Variants in NLGN1 observed in about 807,000 individuals in gnomAD.
NLGN1 encodes neuroligin 1, also known as neuroligin-1.
NLGN1 carries 12 observed loss-of-function variants against 65.5 expected under a neutral mutation model. That is an observed-to-expected ratio of 0.18 (90% CI 0.12 to 0.30). The LOEUF is 0.30. NLGN1 is among the 10% of genes least tolerant of loss of function. The pLI, the probability that NLGN1 is intolerant of heterozygous loss-of-function variation, is 1.00. For synonymous variants in NLGN1, 350 were observed against 359.5 expected (o/e 0.97, Z 0.30); for missense variants, 750 against 1,007.1 (o/e 0.74, Z 3.46).
chr3:174,073,932 T>A (rs1740404528), intron 4 of NLGN1, among the ~76,000 whole-genome samples: 1 of 152,208 alleles, frequency 6.6e-6, no homozygotes, highest in Non-Finnish European at 1.5e-5. Flanking sequence ...ATATCTTGAC[T>A]TAAATGTAAA....
chr3:173,669,098 G>T lies in NLGN1; in HGVS notation c.493+64007G>T, dbSNP rs141018482. 8.6e-4 allele frequency among the ~76,000 whole-genome samples: 131 copies of T among 152,202 alleles called. 1 individual carries two copies. Among genetic ancestry groups the T allele is most frequent in the Middle Eastern group, 3.4e-3 (1 of 294 alleles). On this transcript the variant is annotated intron_variant, in intron 3 of 6. Transcript: ENST00000457714. The stretch of plus-strand genomic sequence containing the variant: ...GTTTATTTTTTTCCTGTAGACACTG[G>T]GAAGTCATTGCCGGGTTTTAATCCT...
intron 2 of NLGN1, among the ~76,000 whole-genome samples, chr3:173,466,530 GTGTTT>G (rs1183330804): frequency 6.6e-6 from 1 of 152,116 alleles, no homozygotes; most frequent in Non-Finnish European, 1.5e-5. Flanking sequence ...TGGTACTGGT[GTGTTT>G]TGTTTTGTAT....
At chr3:173,672,231 G>A (rs929482905) in intron 3 of NLGN1, among the ~76,000 whole-genome samples, 3 of 152,140 alleles carry the variant, frequency 2.0e-5, no homozygotes, top group Non-Finnish European at 2.9e-5. Context: ...ACCTGTAGTC[G>A]TGAAGCTATA....
At chr3:173,647,569 A>G (rs906619230) in intron 3 of NLGN1, among the ~76,000 whole-genome samples, 3 of 152,136 alleles carry the variant, frequency 2.0e-5, no homozygotes, top group Admixed American at 1.3e-4. Flanking sequence ...ATATTTGAAA[A>G]CCAAATAACA....
intron 3 of NLGN1, among the ~76,000 whole-genome samples, chr3:173,661,464 C>A (rs10446343): frequency 0.11 from 16,937 of 151,910 alleles, 984 homozygotes; most frequent in Middle Eastern, 0.27. Context: ...GGTGAAGAAG[C>A]CTCCCAAATT....
chr3:173,797,398 C>A (rs1278920327), intron 3 of NLGN1, among the ~76,000 whole-genome samples: 1 of 151,900 alleles, frequency 6.6e-6, no homozygotes, highest in African/African-American at 2.4e-5. Flanking sequence ...TGCTGTAATT[C>A]GTACTATGGG....
At chr3:173,913,332 T>A (rs1740013577) in intron 4 of NLGN1, among the ~76,000 whole-genome samples, 1 of 152,116 alleles carries the variant, frequency 6.6e-6, no homozygotes, top group Non-Finnish European at 1.5e-5. Context: ...AAATTTGAGA[T>A]TTAGATGTTT....
Position 173,926,942 on chromosome 3 carries a change from A to G in NLGN1, c.646+119110A>G, listed in dbSNP as rs542119486. Among the ~76,000 whole-genome samples, 96 of 152,218 alleles carry G rather than the reference A, an allele frequency of 6.3e-4. 1 individual carries two copies. Among genetic ancestry groups the G allele is most frequent in the African/African-American group, 2.2e-3 (90 of 41,526 alleles). On this transcript the variant is annotated intron_variant, in intron 4 of 6. Coordinates refer to ENST00000457714, the Ensembl canonical transcript of NLGN1. ...TAGAGTGTAACTGGAAAGCCAATTG[A>G]GTCTTTCTTACCACTTTCTCTTTTA...
intron 4 of NLGN1, among the ~76,000 whole-genome samples, chr3:174,210,570 C>T (rs1161410913): frequency 6.6e-6 from 1 of 152,156 alleles, no homozygotes; most frequent in Non-Finnish European, 1.5e-5. Context: ...CTGCAAAAAG[C>T]TTGAGGCCCA....
At chr3:174,251,598 T>C (rs939755206) in intron 4 of NLGN1, among the ~76,000 whole-genome samples, 2 of 152,230 alleles carry the variant, frequency 1.3e-5, no homozygotes, top group Non-Finnish European at 2.9e-5. Context: ...ATGATATTTC[T>C]TTTGGCATGG....
intron 4 of NLGN1, among the ~76,000 whole-genome samples, chr3:174,075,116 A>C (rs1740643697): frequency 6.6e-6 from 1 of 152,180 alleles, no homozygotes; most frequent in Non-Finnish European, 1.5e-5. Flanking sequence ...GCAGGAGATT[A>C]CAAAATCTAC....
intron 2 of NLGN1, among the ~76,000 whole-genome samples, chr3:173,595,148 A>G (rs1222137488): frequency 1.3e-5 from 2 of 152,282 alleles, no homozygotes; most frequent in Non-Finnish European, 2.9e-5. Flanking sequence ...TCCTCAGAAA[A>G]TGGGTTTTTC....
intron 4 of NLGN1, among the ~76,000 whole-genome samples, chr3:174,147,455 CAG>C (rs1286453511): frequency 1.1e-4 from 4 of 36,602 alleles, no homozygotes; most frequent in African/African-American, 2.7e-4. Context: ...TTTTTTGAGA[CAG>C]AGTTTTGCTC....
chr3:173,568,799 G>T (rs1744150439), intron 2 of NLGN1, among the ~76,000 whole-genome samples: 1 of 152,110 alleles, frequency 6.6e-6, no homozygotes, highest in Admixed American at 6.5e-5. Context: ...TCAGCCTCTG[G>T]AGTAGCTCGG....
At chr3:173,914,360 C>T (rs1740285835) in intron 4 of NLGN1, among the ~76,000 whole-genome samples, 1 of 152,064 alleles carries the variant, frequency 6.6e-6, no homozygotes, top group Non-Finnish European at 1.5e-5. Context: ...ACAGGCTCTG[C>T]CTGGTTTGTG....
At chr3:174,188,481 T>G (rs757882482) in intron 4 of NLGN1, among the ~76,000 whole-genome samples, 4 of 151,952 alleles carry the variant, frequency 2.6e-5, no homozygotes, top group African/African-American at 9.7e-5. Flanking sequence ...ATAATCCTAC[T>G]TAACAGGAAC....
chr3:174,029,242 G>C (rs1729443125), intron 4 of NLGN1, among the ~76,000 whole-genome samples: 1 of 152,174 alleles, frequency 6.6e-6, no homozygotes, highest in African/African-American at 2.4e-5. Context: ...AGAGGTGGCT[G>C]TACCCTGCAA....
At chr3:173,687,770 C>T (rs1764890740) in intron 3 of NLGN1, among the ~76,000 whole-genome samples, 1 of 152,162 alleles carries the variant, frequency 6.6e-6, no homozygotes, top group African/African-American at 2.4e-5. Flanking sequence ...CTTCACTCTA[C>T]AGGAATGTTT....
chr3:173,940,671 C>T (rs1745929689), intron 4 of NLGN1, among the ~76,000 whole-genome samples: 1 of 152,112 alleles, frequency 6.6e-6, no homozygotes. Flanking sequence ...GACAGAATAT[C>T]AAAAATCCTT....
Sources: allele counts gnomAD v4.1 joint callset (sites outside exome capture counted in the v4.1 genomes callset), GRCh38; gene constraint gnomAD v4.1.1; transcripts MANE v1.5; gene names NCBI Gene and HGNC (gene_info 2026-07-23, HGNC 2026-07-21).